Variants in ZFHX3 observed in about 807,000 individuals in gnomAD.
ZFHX3 encodes zinc finger homeobox protein 3.
A neutral mutation model predicts 279.1 loss-of-function variants in ZFHX3; 42 were observed. That is an observed-to-expected ratio of 0.15 (90% CI 0.12 to 0.19). The LOEUF (loss-of-function observed/expected upper bound fraction) is 0.19, where lower values mean the gene tolerates loss of function less well. ZFHX3 is among the 10% of genes least tolerant of loss of function. The pLI, the probability that ZFHX3 is intolerant of heterozygous loss-of-function variation, is 1.00. For missense variants in ZFHX3, 4,981 were observed against 4,754.0 expected (o/e 1.05, Z -1.40); for synonymous variants, 2,293 against 1,957.8 (o/e 1.17, Z -4.52).
chr16:73,251,609 A>G (rs2013489919), intron 5 of ZFHX3, among the ~76,000 whole-genome samples: 1 of 152,130 alleles, frequency 6.6e-6, no homozygotes, highest in South Asian at 2.1e-4. Context: ...TTCTTTCTGG[A>G]AGGCTGGATA....
Position 73,590,447 on chromosome 16 carries a change from C to T in ZFHX3, c.-1547+89733G>A, listed in dbSNP as rs549575212. 2.6e-5 allele frequency among the ~76,000 whole-genome samples: 4 copies of T among 152,264 alleles called. 1 individual carries two copies. In the South Asian group the frequency reaches 8.3e-4, roughly 32 times the overall value. ...TGACAAAGGCTACATCAAAAGCACA[C>T]AGGAACCAATTTAAAGGGATTCCCA... On this transcript the variant is annotated intron_variant, in intron 2 of 17. Coordinates refer to the ZFHX3 transcript ENST00000641206.
chr16:73,119,406 C>T (rs1966470184), intron 7 of ZFHX3, among the ~76,000 whole-genome samples: 1 of 152,162 alleles, frequency 6.6e-6, no homozygotes, highest in African/African-American at 2.4e-5. Context: ...CACACTCAGC[C>T]CGGAAGCACT....
At chr16:72,801,648 A>T (rs924273003) in intron 7 of ZFHX3, among the ~76,000 whole-genome samples, 1 of 152,208 alleles carries the variant, frequency 6.6e-6, no homozygotes, top group Non-Finnish European at 1.5e-5. Context: ...TGGCAGGTGA[A>T]TGTGTGTGAC....
At chr16:73,145,146 T>C (rs1046200939) in intron 5 of ZFHX3, among the ~76,000 whole-genome samples, 2 of 152,136 alleles carry the variant, frequency 1.3e-5, no homozygotes, top group Non-Finnish European at 2.9e-5. Context: ...ACCTTTGCCA[T>C]CTTAGGTTCA....
chr16:73,061,567 G>A (rs1965685456), upstream of ZFHX3: 1 of 151,598 alleles, frequency 6.6e-6, no homozygotes, highest in Non-Finnish European at 1.5e-5. Flanking sequence ...TCAGTCCAAA[G>A]GGCAGGTCAG....
At chr16:73,333,262 G>A (rs1490133039) in intron 3 of ZFHX3, among the ~76,000 whole-genome samples, 2 of 151,924 alleles carry the variant, frequency 1.3e-5, no homozygotes, top group Non-Finnish European at 2.9e-5. Flanking sequence ...GACACAGATA[G>A]AAAAATACAG....
At chr16:73,089,348 C>T (rs970950611) in intron 8 of ZFHX3, among the ~76,000 whole-genome samples, 8 of 152,160 alleles carry the variant, frequency 5.3e-5, no homozygotes, top group Non-Finnish European at 8.8e-5. Flanking sequence ...AGGTGATCCA[C>T]GTAAAGTGGA....
intron 1 of ZFHX3, among the ~76,000 whole-genome samples, chr16:73,696,472 G>T (rs1400218609): frequency 2.6e-5 from 4 of 152,186 alleles, no homozygotes; most frequent in African/African-American, 9.7e-5. Context: ...AGTGTGTTGG[G>T]TTGGGTCATG....
chr16:72,822,253 CTCTA>C (rs2036812161), intron 5 of ZFHX3, among the ~76,000 whole-genome samples: 1 of 152,204 alleles, frequency 6.6e-6, no homozygotes. Context: ...AGCTGACAAA[CTCTA>C]TCTGACAACA....
At chr16:72,792,455 G>GTTCT (rs1555516451) in intron 9 of ZFHX3, among the ~76,000 whole-genome samples, 1 of 151,986 alleles carries the variant, frequency 6.6e-6, no homozygotes, top group Non-Finnish European at 1.5e-5. Context: ...CCTTCTGGTA[G>GTTCT]TTCTTTTTTT....
chr16:73,822,200 T>C (rs1276963819), intron 1 of ZFHX3, among the ~76,000 whole-genome samples: 2 of 152,158 alleles, frequency 1.3e-5, no homozygotes, highest in African/African-American at 2.4e-5. Flanking sequence ...TGGCATCTGT[T>C]TTCTCTTTGA....
chr16:73,433,301 A>C (rs1175656280), intron 3 of ZFHX3, among the ~76,000 whole-genome samples: 1 of 152,208 alleles, frequency 6.6e-6, no homozygotes, highest in Non-Finnish European at 1.5e-5. Flanking sequence ...TAGGAAGAAC[A>C]CATGTTCCCA....
chr16:73,187,407 A>G (rs1048187158), intron 5 of ZFHX3, among the ~76,000 whole-genome samples: 5 of 151,806 alleles, frequency 3.3e-5, no homozygotes, highest in African/African-American at 1.2e-4. Flanking sequence ...CGTCAAGGAC[A>G]GTTTGTAGTC....
chr16:73,375,604 T>C (rs1418829231), intron 3 of ZFHX3, among the ~76,000 whole-genome samples: 2 of 152,226 alleles, frequency 1.3e-5, no homozygotes, highest in Admixed American at 6.5e-5. Context: ...ATTATAAGTT[T>C]ATACTGATAC....
Position 72,794,636 on chromosome 16 carries a change from T to C in ZFHX3, c.8046A>G (p.Lys2682=), listed in dbSNP as rs1448230750. ...TCTGAAACCAGACTTGTACCACACGTTTCTTCAAGCCCACCTCGTGTGCAA... is the reference window on the plus strand; with the variant it reads ...TCTGAAACCAGACTTGTACCACACGCTTCTTCAAGCCCACCTCGTGTGCAA... The part of the protein sequence containing the change: ...DHIAHEVGLK[K]RVVQVWFQNT... The change falls in exon 9 of 10, where the codon AAA becomes AAG. Residue 2682 remains lysine (K), a synonymous_variant. Transcript: ENST00000268489. This position sits in a 1 kb window ranked among gnomAD's most constrained non-coding sequence, Gnocchi z 4.2. The C allele has an allele frequency of 6.2e-7, 1 of 1,614,166 alleles. No homozygotes were observed. Among genetic ancestry groups the C allele is most frequent in the South Asian group, 1.1e-5 (1 of 91,082 alleles).
intron 8 of ZFHX3, among the ~76,000 whole-genome samples, chr16:73,076,691 C>T (rs1965889239): frequency 6.6e-6 from 1 of 152,136 alleles, no homozygotes; most frequent in Non-Finnish European, 1.5e-5. Context: ...TTTATTTCCA[C>T]ACATCTCACT....
chr16:73,329,082 C>T (rs1353146907), intron 3 of ZFHX3, among the ~76,000 whole-genome samples: 1 of 152,254 alleles, frequency 6.6e-6, no homozygotes, highest in Non-Finnish European at 1.5e-5. Context: ...TTCTCAAAAT[C>T]AGCCTCATTG....
chr16:73,813,968 C>G (rs1015366229), intron 1 of ZFHX3: 1 of 152,184 alleles, frequency 6.6e-6, no homozygotes, highest in South Asian at 2.1e-4. Flanking sequence ...CAATTCATTT[C>G]TTTCAATCTC....
intron 3 of ZFHX3, among the ~76,000 whole-genome samples, chr16:73,414,329 T>C (rs1307279547): frequency 2.6e-5 from 4 of 152,246 alleles, no homozygotes; most frequent in South Asian, 4.1e-4. Context: ...CCACCTACTA[T>C]GTGCCAGGCA....
Sources: allele counts gnomAD v4.1 joint callset (sites outside exome capture counted in the v4.1 genomes callset), GRCh38; gene constraint gnomAD v4.1.1; non-coding constraint Gnocchi (gnomAD v3.1); transcripts MANE v1.5; gene names NCBI Gene and HGNC (gene_info 2026-07-23, HGNC 2026-07-21).